The following UBAC2 variants were observed in gnomAD, a reference collection of about 807,000 sequenced individuals.
The protein encoded by UBAC2 is UBA domain containing 2, also known as ubiquitin-associated domain-containing protein 2.
Under a neutral mutation model 44.0 loss-of-function variants are expected in UBAC2, and 26 were observed. That is an observed-to-expected ratio of 0.59 (90% confidence interval 0.43 to 0.82). The LOEUF is 0.82. UBAC2 is among the 40% of genes least tolerant of loss of function. The probability of loss-of-function intolerance (pLI) is 0.00; values close to 1 mark genes in which losing one functional copy is unlikely to be tolerated. For synonymous variants in UBAC2, 155 were observed against 154.3 expected, an observed-to-expected ratio of 1.00 and a Z score of -0.04; for missense variants, 329 against 419.4, an observed-to-expected ratio of 0.78 and a Z score of 1.88.
At chr13:99,228,908 C>T (rs550086906) in intron 1 of UBAC2, among the ~76,000 whole-genome samples, 1 of 152,278 alleles carries the variant, frequency 6.6e-6, no homozygotes, top group South Asian at 2.1e-4. Flanking sequence ...TTTTTATATG[C>T]TTAGACAAGT....
At chr13:99,208,209 C>G (rs1484646999) in intron 1 of UBAC2, among the ~76,000 whole-genome samples, 1 of 152,070 alleles carries the variant, frequency 6.6e-6, no homozygotes, top group Non-Finnish European at 1.5e-5. Flanking sequence ...GTTGGTCAGG[C>G]TGGTCTTGAA....
intron 8 of UBAC2, among the ~76,000 whole-genome samples, chr13:99,375,801 CTT>C (rs34318354): frequency 0.12 from 13,554 of 109,752 alleles, 376 homozygotes; most frequent in Middle Eastern, 0.2. Context: ...TCCTTTTTCC[CTT>C]TTTTTTTTTT....
At chr13:99,255,580 C>A in intron 4 of UBAC2, 1 of 1,614,096 alleles carries the variant, frequency 6.2e-7, no homozygotes, top group South Asian at 1.1e-5. Flanking sequence ...TGTGAGAGCT[C>A]CAAGAATCTG....
intron 4 of UBAC2, among the ~76,000 whole-genome samples, chr13:99,305,966 G>C (rs1014939328): frequency 2.6e-5 from 4 of 152,134 alleles, no homozygotes; most frequent in Admixed American, 2.6e-4. Context: ...CGCAATCTCG[G>C]CTCACTGCAA....
chr13:99,203,170 G>A (rs987087225), intron 1 of UBAC2, among the ~76,000 whole-genome samples: 2 of 152,034 alleles, frequency 1.3e-5, no homozygotes, highest in Non-Finnish European at 2.9e-5. Context: ...CCAAGTAGCT[G>A]GGATTACAGG....
intron 4 of UBAC2, among the ~76,000 whole-genome samples, chr13:99,244,855 C>T (rs1487778414): frequency 2.0e-5 from 3 of 149,204 alleles, no homozygotes; most frequent in South Asian, 2.1e-4. Flanking sequence ...TTTTTTGAGA[C>T]GGAGTCTCGC....
chr13:99,223,542 G>GTTTTTTTTTTTTTTTTTTTT (rs145143990), intron 1 of UBAC2, among the ~76,000 whole-genome samples: 4 of 62,446 alleles, frequency 6.4e-5, no homozygotes, highest in African/African-American at 2.5e-4. Flanking sequence ...CTCTTTTTCT[G>GTTTTTTTTTTTTTTTTTTTT]TTTTTTTTTT....
chr13:99,213,700 A>G (rs571928284), intron 1 of UBAC2, among the ~76,000 whole-genome samples: 1 of 152,216 alleles, frequency 6.6e-6, no homozygotes, highest in South Asian at 2.1e-4. Context: ...TTTTTTTTGC[A>G]GTATTTTCCC....
intron 7 of UBAC2, among the ~76,000 whole-genome samples, chr13:99,345,857 C>G (rs1158603109): frequency 6.6e-6 from 1 of 151,592 alleles, no homozygotes; most frequent in African/African-American, 2.4e-5. Context: ...ATTCTCCTGC[C>G]TCAGCCTCCC....
At chr13:99,330,501 C>T (rs551916183) in intron 6 of UBAC2, among the ~76,000 whole-genome samples, 3 of 129,266 alleles carry the variant, frequency 2.3e-5, no homozygotes, top group East Asian at 2.3e-4. Context: ...TTCTGTATTT[C>T]GTTCTTGTGT....
chr13:99,338,664 C>T (rs1328709636), intron 6 of UBAC2, among the ~76,000 whole-genome samples: 1 of 152,160 alleles, frequency 6.6e-6, no homozygotes, highest in Non-Finnish European at 1.5e-5. Flanking sequence ...TAAAGGGGCA[C>T]AGAAATTATT....
At chr13:99,253,084 A>G (rs1249768038) in intron 4 of UBAC2, among the ~76,000 whole-genome samples, 1 of 150,278 alleles carries the variant, frequency 6.7e-6, no homozygotes, top group African/African-American at 2.4e-5. Flanking sequence ...TGTAAGATAT[A>G]CAAATAATAT....
At chr13:99,289,542 G>A (rs1025783232) in intron 4 of UBAC2, among the ~76,000 whole-genome samples, 2 of 152,216 alleles carry the variant, frequency 1.3e-5, no homozygotes, top group African/African-American at 4.8e-5. Flanking sequence ...ATGAAAGTGG[G>A]ATTAAGGAAG....
intron 6 of UBAC2, among the ~76,000 whole-genome samples, chr13:99,336,314 A>C (rs2138819926): frequency 6.6e-6 from 1 of 152,258 alleles, no homozygotes; most frequent in Non-Finnish European, 1.5e-5. Flanking sequence ...AGCTTTTGGC[A>C]TACTACAGCT....
chr13:99,201,712 C>T, intron 1 of UBAC2: 1 of 770,624 alleles, frequency 1.3e-6, no homozygotes, highest in Non-Finnish European at 2.1e-6. Context: ...AATTGCTTGT[C>T]ACTGTTCATA....
intron 7 of UBAC2, among the ~76,000 whole-genome samples, chr13:99,344,515 CTG>C (rs1324598745): frequency 6.6e-6 from 1 of 152,126 alleles, no homozygotes; most frequent in Non-Finnish European, 1.5e-5. Context: ...TAAAATACAA[CTG>C]TTATTTATTT....
intron 7 of UBAC2, among the ~76,000 whole-genome samples, chr13:99,355,576 G>A (rs1264548635): frequency 6.6e-6 from 1 of 152,216 alleles, no homozygotes; most frequent in Non-Finnish European, 1.5e-5. Context: ...TCACAGAGCA[G>A]CCTTAGCATT....
At chr13:99,270,611 G>A (rs1172063426) in intron 4 of UBAC2, among the ~76,000 whole-genome samples, 2 of 152,208 alleles carry the variant, frequency 1.3e-5, no homozygotes, top group Non-Finnish European at 2.9e-5. Flanking sequence ...AGTAGGGAAC[G>A]AGAGTTTGTA....
intron 1 of UBAC2, chr13:99,201,516 G>A (rs140321779): frequency 6.2e-7 from 1 of 1,614,232 alleles, no homozygotes; most frequent in African/African-American, 1.3e-5. Context: ...AGGGAGCGCA[G>A]CTGTGCTGCT....
Sources: gnomAD v4.1 joint callset for allele counts (sites outside exome capture counted in the v4.1 genomes callset) on GRCh38, gnomAD v4.1.1 for gene constraint, MANE v1.5 for transcripts, NCBI Gene and HGNC (gene_info 2026-07-23, HGNC 2026-07-21) for gene names.